CREB3L2: variants seen among roughly 807,000 people sequenced by gnomAD.
CREB3L2 encodes the protein cyclic AMP-responsive element-binding protein 3-like protein 2.
Under a neutral mutation model 57.2 loss-of-function variants are expected in CREB3L2, and 23 were observed. That is an observed-to-expected ratio of 0.40 (90% CI 0.29 to 0.57). The LOEUF is 0.57. Among genes scored for constraint, CREB3L2 ranks in the 20% least tolerant of loss-of-function variants. The pLI, the probability that CREB3L2 is intolerant of heterozygous loss-of-function variation, is 0.42. For missense variants in CREB3L2, 628 were observed against 634.7 expected (o/e 0.99, Z 0.11); for synonymous variants, 268 against 265.1 (o/e 1.01, Z -0.11).
intron 4 of CREB3L2, among the ~76,000 whole-genome samples, chr7:137,911,223 A>G (rs2117212934): frequency 6.6e-6 from 1 of 152,362 alleles, no homozygotes; most frequent in East Asian, 1.9e-4. Flanking sequence ...TATGGATTCT[A>G]AGTATTAACT....
chr7:137,886,892 GA>G (rs1441090091), intron 8 of CREB3L2, among the ~76,000 whole-genome samples: 1 of 152,104 alleles, frequency 6.6e-6, no homozygotes, highest in Non-Finnish European at 1.5e-5. Context: ...GCAAGGCATA[GA>G]AAAGGATCTG....
Position 137,961,793 on chromosome 7 carries a change from A to C in CREB3L2, c.103-33427T>G, listed in dbSNP as rs186862962. ...AAGCTCTGCCCTTGGCAATTCTTCC[A>C]TTCATCCTTTGCTGCTTCTTGAAAG... is the stretch of plus-strand genomic sequence containing the variant. On this transcript the variant is annotated intron_variant, in intron 1 of 11. Transcript: ENST00000330387. Among the ~76,000 whole-genome samples the C allele has an allele frequency of 1.4e-4, 21 of 152,202 alleles. No individual in the cohort carries two copies. The East Asian group carries it at 4.1e-3, about 29-fold the overall frequency.
chr7:137,915,878 G>T lies in CREB3L2; in HGVS notation c.454C>A (p.Pro152Thr), dbSNP rs767929146. Residue 152 changes from proline to threonine, a missense_variant, in exon 3 of 12, where the codon CCG becomes ACG. Pro to Thr is a conservative substitution (Grantham distance 38). Around this residue, in one of 3 missense-constraint regions of CREB3L2, gnomAD observed 339 missense variants for 355.4 expected, o/e 0.95. Coordinates refer to ENST00000330387, the MANE Select transcript of CREB3L2 (RefSeq NM_194071.4). ...AGAGGAGGTTCCTCCTTTTCCAACG[G>T]GGTGGAGATGGCTGTGATGGTCAGA... is the stretch of plus-strand genomic sequence containing the variant. The part of the protein sequence containing the change: ...VTLTITAIST[P>T]LEKEEPPLEM... 1 of 1,614,134 alleles carries T rather than the reference G, an allele frequency of 6.2e-7. No individual in the cohort carries two copies. Among genetic ancestry groups the T allele is most frequent in the East Asian group, 2.2e-5 (1 of 44,888 alleles).
intron 1 of CREB3L2, among the ~76,000 whole-genome samples, chr7:137,954,036 A>G (rs1801158549): frequency 6.6e-6 from 1 of 152,176 alleles, no homozygotes; most frequent in Admixed American, 6.5e-5. Context: ...GGAGGAGACA[A>G]GATCAAAATC....
intron 1 of CREB3L2, among the ~76,000 whole-genome samples, chr7:137,948,254 C>A (rs901295871): frequency 6.6e-6 from 1 of 152,222 alleles, no homozygotes; most frequent in South Asian, 2.1e-4. Context: ...TCTTGCAGCT[C>A]AAAGCCTACT....
chr7:137,913,178 G>A, intron 3 of CREB3L2, 100 bp from the exon 4 acceptor site: 1 of 1,207,004 alleles, frequency 8.3e-7, no homozygotes, highest in Non-Finnish European at 1.2e-6. Context: ...TCTCGGGACA[G>A]CCCTGCCTAT....
rs144219363 is a variant in CREB3L2 at position 137,876,951 on chromosome 7, C to T, written c.*3525G>A. 204 of 231,974 alleles carry T rather than the reference C, an allele frequency of 8.8e-4. No homozygotes were observed. Among genetic ancestry groups the T allele is most frequent in the African/African-American group, 4.1e-3 (186 of 45,392 alleles). The allele number at this position is 231,974 out of a possible 1,614,324, so 14.4% of individuals were successfully genotyped here. On this transcript the variant is annotated 3_prime_UTR_variant, in exon 12 of 12. Transcript: ENST00000330387. The stretch of plus-strand genomic sequence containing the variant: ...GTGCTCAAATTCACACCTTGTATGA[C>T]ATGTGGGCAGAGGAGCTGGCCTGGA...
chr7:137,879,597 C>A lies in CREB3L2; in HGVS notation c.*879G>T, dbSNP rs1373036274. ...AAAAGAAAAAACAAAGGAAAGGAAACAAAACATTGTCTGGAAAGACACGGG... is the reference window on the plus strand; with the variant it reads ...AAAAGAAAAAACAAAGGAAAGGAAAAAAAACATTGTCTGGAAAGACACGGG... On this transcript the variant is annotated 3_prime_UTR_variant, in exon 12 of 12. Transcript: ENST00000330387. The A allele has an allele frequency of 4.1e-6, 1 of 246,584 alleles. No homozygotes were observed. Among genetic ancestry groups the A allele is most frequent in the South Asian group, 1.3e-4 (1 of 7,512 alleles). 15.3% of individuals were successfully genotyped at this position (246,584 alleles called of 1,614,324 possible).
rs1255023623 is a variant in CREB3L2, at chr7:137,878,244, TA to T, written c.*2231del. ...TCCTCATTTAGAAGAGCACGTTTCC[TA>T]CTCTACGTCTGGGAGCCTTGAAAAC... On this transcript the variant is annotated 3_prime_UTR_variant, in exon 12 of 12. Coordinates refer to ENST00000330387, the MANE Select transcript of CREB3L2 (RefSeq NM_194071.4). 1 of 232,544 alleles carries T rather than the reference TA, an allele frequency of 4.3e-6. No individual in the cohort carries two copies. Among genetic ancestry groups the T allele is most frequent in the Non-Finnish European group, 8.5e-6 (1 of 117,676 alleles). 14.4% of individuals were successfully genotyped at this position (232,544 alleles called of 1,614,324 possible).
intron 5 of CREB3L2, 35 bp from the exon 6 acceptor site, chr7:137,905,883 A>G: frequency 6.4e-7 from 1 of 1,557,844 alleles, no homozygotes; most frequent in East Asian, 2.2e-5. Flanking sequence ...GGGTCAAAGA[A>G]AAAGAACTGG....
intron 7 of CREB3L2, among the ~76,000 whole-genome samples, chr7:137,902,956 A>T (rs931267410): frequency 1.3e-5 from 2 of 152,044 alleles, no homozygotes; most frequent in Non-Finnish European, 2.9e-5. Flanking sequence ...AGCTGGGACC[A>T]CAGATGTGCA....
intron 1 of CREB3L2, among the ~76,000 whole-genome samples, chr7:137,976,678 C>T (rs764481749): frequency 3.3e-5 from 5 of 152,182 alleles, no homozygotes; most frequent in Non-Finnish European, 7.3e-5. Context: ...AACACAAATC[C>T]AATCTGGAGA....
At chr7:137,903,154 T>C (rs1029087122) in intron 7 of CREB3L2, among the ~76,000 whole-genome samples, 1 of 152,182 alleles carries the variant, frequency 6.6e-6, no homozygotes, top group Non-Finnish European at 1.5e-5. Flanking sequence ...CATGGTTGGT[T>C]GAATCTGAGG....
In CREB3L2 at chr7:137,875,679, C is replaced by T. The variant is rs151120352; in HGVS notation, c.*4797G>A. On this transcript the variant is annotated 3_prime_UTR_variant, in exon 12 of 12. Transcript: ENST00000330387. Reference sequence around the variant, plus strand: ...TTACAGTGTGCTCACAGGAAGGAATCGGCTCAGCTAGTCCAGAAATTGCTG... The same window carrying T: ...TTACAGTGTGCTCACAGGAAGGAATTGGCTCAGCTAGTCCAGAAATTGCTG... 1.5e-4 allele frequency: 34 copies of T among 221,518 alleles called. No individual in the cohort carries two copies. Among genetic ancestry groups the T allele is most frequent in the East Asian group, 1.1e-3 (16 of 15,200 alleles). The allele number at this position is 221,518 out of a possible 1,614,324, so 13.7% of individuals were successfully genotyped here. A position where few individuals can be genotyped will look rare whatever the true frequency, so the allele number is the denominator to read the frequency against.
chr7:137,971,056 C>T (rs555841039), intron 1 of CREB3L2, among the ~76,000 whole-genome samples: 2 of 152,068 alleles, frequency 1.3e-5, no homozygotes, highest in Admixed American at 6.5e-5. Context: ...TAAGTTAGCA[C>T]ACATATTAAG....
chr7:137,945,816 G>A (rs1800962516), intron 1 of CREB3L2, among the ~76,000 whole-genome samples: 1 of 152,102 alleles, frequency 6.6e-6, no homozygotes, highest in African/African-American at 2.4e-5. Flanking sequence ...ATGAGGGTGG[G>A]CTCTGAAATG....
chr7:137,914,173 T>A (rs1011018992), intron 3 of CREB3L2, among the ~76,000 whole-genome samples: 2 of 149,084 alleles, frequency 1.3e-5, no homozygotes, highest in African/African-American at 4.9e-5. Context: ...TATAATACAA[T>A]TAATATAATT....
Position 137,915,927 on chromosome 7 carries a change from G to A in CREB3L2, c.405C>T (p.Pro135=), listed in dbSNP as rs768167320. 1.9e-6 allele frequency: 3 copies of A among 1,614,046 alleles called. No individual in the cohort carries two copies. Among genetic ancestry groups the A allele is most frequent in the Non-Finnish European group, 2.5e-6 (3 of 1,179,922 alleles). The change falls in exon 3 of 12, where the codon CCC becomes CCT. Residue 135 remains proline, a synonymous_variant. Coordinates refer to ENST00000330387, the MANE Select transcript of CREB3L2 (RefSeq NM_194071.4). The part of the protein sequence containing the change: ...IKTEPVTDEP[P]PGLVPSVTLT... Reference sequence around the variant, plus strand: ...GAGTGACAGACGGAACGAGTCCTGGGGGTGGTTCGTCTGTAACTGGCTCTG... The same window carrying A: ...GAGTGACAGACGGAACGAGTCCTGGAGGTGGTTCGTCTGTAACTGGCTCTG...
At chr7:137,969,769 C>T (rs1241650684) in intron 1 of CREB3L2, among the ~76,000 whole-genome samples, 1 of 125,538 alleles carries the variant, frequency 8.0e-6, no homozygotes, top group Non-Finnish European at 1.8e-5. Context: ...CAAACACACA[C>T]ACACACACAC....
Sources: allele counts gnomAD v4.1 joint callset (sites outside exome capture counted in the v4.1 genomes callset), GRCh38; gene constraint gnomAD v4.1.1; regional missense constraint gnomAD v4.1.1; transcripts MANE v1.5; gene names NCBI Gene and HGNC (gene_info 2026-07-23, HGNC 2026-07-21).